The following METAP1 variants were observed in gnomAD, a reference collection of about 807,000 sequenced individuals.
METAP1 encodes methionyl aminopeptidase 1, also known as methionine aminopeptidase 1.
Under a neutral mutation model 53.8 loss-of-function variants are expected in METAP1, and 28 were observed. The ratio of observed to expected loss-of-function variants is 0.52; its 90% confidence interval spans 0.39 to 0.71. METAP1 has a LOEUF of 0.71. Among genes scored for constraint, METAP1 ranks in the 30% least tolerant of loss-of-function variants. The pLI is 0.00. For synonymous variants in METAP1, 181 were observed against 165.7 expected (o/e 1.09, Z -0.71); for missense variants, 389 against 479.8 (o/e 0.81, Z 1.77).
chr4:99,027,468 T>C (rs767288329), intron 1 of METAP1, among the ~76,000 whole-genome samples: 4 of 151,896 alleles, frequency 2.6e-5, no homozygotes, highest in Non-Finnish European at 4.4e-5. Context: ...TCCTTCCAGG[T>C]GTGTTGACAG....
intron 5 of METAP1, among the ~76,000 whole-genome samples, chr4:99,040,428 T>C (rs572300889): frequency 6.6e-6 from 1 of 152,260 alleles, no homozygotes; most frequent in East Asian, 1.9e-4. Context: ...TGGAGAACTT[T>C]CTCTTCCTAT....
At chr4:99,028,576 T>C (rs1413920723) in intron 1 of METAP1, among the ~76,000 whole-genome samples, 1 of 152,228 alleles carries the variant, frequency 6.6e-6, no homozygotes, top group Non-Finnish European at 1.5e-5. Flanking sequence ...AATGATTCTT[T>C]TGAAATACTT....
chr4:99,006,499 A>G (rs1471779859), intron 1 of METAP1, among the ~76,000 whole-genome samples: 1 of 152,150 alleles, frequency 6.6e-6, no homozygotes, highest in Non-Finnish European at 1.5e-5. Flanking sequence ...TTGTTGAAAT[A>G]TTTTGGGAAT....
intron 1 of METAP1, chr4:99,022,151 G>A (rs527846647): frequency 6.2e-6 from 2 of 320,458 alleles, no homozygotes; most frequent in South Asian, 1.6e-4. Flanking sequence ...TTTAGATGGG[G>A]GAATAGTGGA....
rs561923398 is a variant in METAP1, at chr4:99,017,770, C to G, written c.115-11097C>G. ...CTGTTAAGTATCCCCCAAAGGTAAT[C>G]TTTCTGCTTTCTTCCACTAATATGG... On this transcript the variant is annotated intron_variant, in intron 1 of 10. Coordinates refer to ENST00000296411, the MANE Select transcript of METAP1 (RefSeq NM_015143.3). Among the ~76,000 whole-genome samples the G allele has an allele frequency of 8.5e-5, 13 of 152,358 alleles. No individual in the cohort carries two copies. In the South Asian group the frequency reaches 2.7e-3, roughly 32 times the overall value.
chr4:99,025,028 A>G (rs965753492), intron 1 of METAP1, among the ~76,000 whole-genome samples: 4 of 152,206 alleles, frequency 2.6e-5, no homozygotes, highest in Non-Finnish European at 4.4e-5. Context: ...TCCTATGAGA[A>G]TCTAATGCCA....
chr4:99,022,576 T>C (rs1724204633), intron 1 of METAP1: 1 of 650,528 alleles, frequency 1.5e-6, no homozygotes, highest in Admixed American at 2.4e-5. Flanking sequence ...ACTTTGAAGA[T>C]AGAAGATGGT....
intron 1 of METAP1, among the ~76,000 whole-genome samples, chr4:99,015,988 A>G (rs1409184948): frequency 6.6e-6 from 1 of 152,136 alleles, no homozygotes; most frequent in Non-Finnish European, 1.5e-5. Flanking sequence ...CCTTCTCGGC[A>G]GTGCGAACTG....
At chr4:99,031,647 AT>A (rs759660676) in intron 2 of METAP1, 8 of 1,145,400 alleles carry the variant, frequency 7.0e-6, no homozygotes, top group Non-Finnish European at 9.3e-6. Flanking sequence ...AGTGCTTAGC[AT>A]GTGTACCATG....
intron 1 of METAP1, among the ~76,000 whole-genome samples, chr4:99,020,460 A>G (rs887415396): frequency 3.9e-5 from 6 of 152,116 alleles, no homozygotes; most frequent in African/African-American, 1.4e-4. Context: ...TTTTAAGGAG[A>G]TATCAGAGAC....
intron 1 of METAP1, among the ~76,000 whole-genome samples, chr4:98,998,439 C>T (rs1188210559): frequency 6.6e-6 from 1 of 152,210 alleles, no homozygotes; most frequent in East Asian, 1.9e-4. Flanking sequence ...ACAAGAATCA[C>T]TTGAACCTGG....
chr4:99,004,572 A>G (rs879294622), intron 1 of METAP1, among the ~76,000 whole-genome samples: 1 of 152,126 alleles, frequency 6.6e-6, no homozygotes. Flanking sequence ...AAATGCCTAT[A>G]TACCTACCAT....
At position 99,012,652 on chromosome 4, in the gene METAP1, GTTT is replaced by G. The variant is rs78437310; in HGVS notation, c.115-16191_115-16189del. 2.0e-3 allele frequency among the ~76,000 whole-genome samples: 184 copies of G among 90,378 alleles called. 1 individual carries two copies. The highest frequency in any genetic ancestry group is 6.5e-3 in the African/African-American group (176 of 26,982). 59.3% of individuals were successfully genotyped at this position (90,378 alleles called of 152,430 possible). Reference sequence around the variant, plus strand: ...AACATCTTTGGCTGTATCCCATAAAGTTTTTTTTTTTTTTTTTTTTTTTTTTAA... The same window carrying G: ...AACATCTTTGGCTGTATCCCATAAAGTTTTTTTTTTTTTTTTTTTTTTTAA... On this transcript the variant is annotated intron_variant, in intron 1 of 10. Coordinates refer to ENST00000296411, the MANE Select transcript of METAP1 (RefSeq NM_015143.3).
Position 98,995,805 on chromosome 4 carries a change from G to C in METAP1, c.52G>C (p.Ala18Pro). The change falls in exon 1 of 11, where the codon GCC becomes CCC. Residue 18 changes from alanine (A) to proline (P), a missense_variant. Ala to Pro is a conservative substitution (Grantham distance 27). Coordinates refer to ENST00000296411, the MANE Select transcript of METAP1 (RefSeq NM_015143.3). ...VCETDGCSSEAKLQCPTCIKL... is the reference protein window; with the variant it reads ...VCETDGCSSEPKLQCPTCIKL... The stretch of plus-strand genomic sequence containing the variant: ...CGAGACAGACGGCTGCAGCAGTGAG[G>C]CCAAGCTCCAGTGTCCCACTTGCAT... 6.5e-7 allele frequency: 1 copy of C among 1,546,736 alleles called. No individual in the cohort carries two copies. The highest frequency in any genetic ancestry group is 8.7e-7 in the Non-Finnish European group (1 of 1,144,764).
chr4:99,056,779 C>CA (rs1305240595), intron 9 of METAP1, among the ~76,000 whole-genome samples: 1 of 152,052 alleles, frequency 6.6e-6, no homozygotes, highest in South Asian at 2.1e-4. Context: ...CCATGTTGGC[C>CA]AGGATGGTCT....
chr4:99,057,959 C>G (rs1009119637), intron 10 of METAP1, 141 bp downstream of exon 10: 2 of 691,732 alleles, frequency 2.9e-6, no homozygotes, highest in South Asian at 1.9e-5. Flanking sequence ...GATTCAGTAT[C>G]GTGAAGAACT....
intron 3 of METAP1, among the ~76,000 whole-genome samples, chr4:99,034,730 A>G (rs1725306096): frequency 6.6e-6 from 1 of 152,204 alleles, no homozygotes; most frequent in Non-Finnish European, 1.5e-5. Context: ...AACCTTCCGT[A>G]TCACAGATTG....
intron 1 of METAP1, among the ~76,000 whole-genome samples, chr4:98,999,461 A>C (rs533861910): frequency 6.9e-6 from 1 of 145,386 alleles, no homozygotes; most frequent in Non-Finnish European, 1.5e-5. Context: ...TTATTGTTAT[A>C]CTGTTTTATG....
intron 1 of METAP1, among the ~76,000 whole-genome samples, chr4:99,014,914 C>G (rs988146099): frequency 6.6e-6 from 1 of 152,182 alleles, no homozygotes; most frequent in Non-Finnish European, 1.5e-5. Flanking sequence ...AGGCATGAGG[C>G]AAACTCTGCC....
Sources: allele counts gnomAD v4.1 joint callset (sites outside exome capture counted in the v4.1 genomes callset), GRCh38; gene constraint gnomAD v4.1.1; transcripts MANE v1.5; gene names NCBI Gene and HGNC (gene_info 2026-07-23, HGNC 2026-07-21).